SYN3: variants seen among roughly 807,000 people sequenced by gnomAD.
SYN3 encodes the protein synapsin-3.
Under a neutral mutation model 65.8 loss-of-function variants are expected in SYN3, and 35 were observed. The observed-to-expected ratio is 0.53, with a 90% CI of 0.41 to 0.70. The LOEUF (loss-of-function observed/expected upper bound fraction) is 0.70, where lower values mean the gene tolerates loss of function less well. SYN3 is among the 30% of genes least tolerant of loss of function. The probability of loss-of-function intolerance (pLI) is 0.00; values close to 1 mark genes in which losing one functional copy is unlikely to be tolerated. For missense variants in SYN3, 680 were observed against 749.0 expected, an observed-to-expected ratio of 0.91 and a Z score of 1.08; for synonymous variants, 270 against 292.9, an observed-to-expected ratio of 0.92 and a Z score of 0.80.
At chr22:32,778,607 T>A (rs1273148277) in intron 6 of SYN3, among the ~76,000 whole-genome samples, 3 of 152,188 alleles carry the variant, frequency 2.0e-5, no homozygotes, top group African/African-American at 4.8e-5. Flanking sequence ...TGCATTTTTT[T>A]AATCTCCTGT....
chr22:32,706,373 T>A (rs1455059543), intron 6 of SYN3, among the ~76,000 whole-genome samples: 1 of 152,154 alleles, frequency 6.6e-6, no homozygotes, highest in Non-Finnish European at 1.5e-5. Flanking sequence ...AGACTTCTCA[T>A]CAGAAACTAT....
chr22:33,035,899 C>T (rs1349238131), intron 1 of SYN3, among the ~76,000 whole-genome samples: 1 of 152,110 alleles, frequency 6.6e-6, no homozygotes, highest in Non-Finnish European at 1.5e-5. Flanking sequence ...AGCTCTGATT[C>T]TACATTATAA....
rs758850865 is a variant in SYN3 at position 32,605,334 on chromosome 22, G to C, written c.712-8598C>G. Among the ~76,000 whole-genome samples the C allele has an allele frequency of 1.1e-4, 17 of 152,158 alleles. 1 individual carries two copies. The highest frequency in any genetic ancestry group is 1.0e-4 in the Non-Finnish European group (7 of 68,032). ...AGCTTGGGAAGGGCCTGGCACCAGA[G>C]GTAGGAGTTTGAACTGTGTTTCATG... On this transcript the variant is annotated intron_variant, in intron 6 of 13. Coordinates refer to ENST00000358763, the MANE Select transcript of SYN3 (RefSeq NM_003490.4).
chr22:32,616,905 G>A (rs1400707012), intron 6 of SYN3, among the ~76,000 whole-genome samples: 1 of 152,140 alleles, frequency 6.6e-6, no homozygotes, highest in Non-Finnish European at 1.5e-5. Flanking sequence ...AGGAAAGGAC[G>A]TTCCAGGCAG....
intron 4 of SYN3, among the ~76,000 whole-genome samples, chr22:32,873,098 G>A (rs12169343): frequency 3.9e-5 from 6 of 152,006 alleles, no homozygotes; most frequent in African/African-American, 7.2e-5. Flanking sequence ...TTACAGGCAC[G>A]TGCCCCTGCA....
chr22:32,686,842 G>T (rs1014086773), intron 6 of SYN3, among the ~76,000 whole-genome samples: 5 of 151,876 alleles, frequency 3.3e-5, no homozygotes, highest in East Asian at 1.9e-4. Context: ...TGATCCGCCT[G>T]CCTCAGGATC....
intron 3 of SYN3, among the ~76,000 whole-genome samples, chr22:32,949,834 C>G (rs758643308): frequency 3.9e-5 from 6 of 152,092 alleles, no homozygotes; most frequent in Non-Finnish European, 7.3e-5. Flanking sequence ...AAGCAGAAAT[C>G]GAGACATGGA....
chr22:32,592,801 G>T (rs1409858389), intron 7 of SYN3, among the ~76,000 whole-genome samples: 14 of 152,172 alleles, frequency 9.2e-5, no homozygotes, highest in Non-Finnish European at 2.1e-4. Context: ...AACACATTAT[G>T]CATATTTACA....
chr22:32,874,204 G>T (rs16991439), intron 4 of SYN3, among the ~76,000 whole-genome samples: 1 of 152,258 alleles, frequency 6.6e-6, no homozygotes, highest in East Asian at 1.9e-4. Flanking sequence ...TCCTGCCGTA[G>T]AGCCCCACTG....
intron 4 of SYN3, among the ~76,000 whole-genome samples, chr22:32,903,580 C>T (rs1246613105): frequency 6.6e-6 from 1 of 152,202 alleles, no homozygotes; most frequent in Admixed American, 6.5e-5. Flanking sequence ...CTTCGCACAT[C>T]AGCAGCAGCC....
intron 6 of SYN3, among the ~76,000 whole-genome samples, chr22:32,622,044 T>C (rs1035913444): frequency 1.3e-5 from 2 of 151,940 alleles, no homozygotes; most frequent in Non-Finnish European, 2.9e-5. Context: ...GAGTGAGCTC[T>C]GTAAGTACAG....
At chr22:32,564,344 A>G (rs1339122905) in intron 7 of SYN3, among the ~76,000 whole-genome samples, 1 of 152,158 alleles carries the variant, frequency 6.6e-6, no homozygotes, top group Non-Finnish European at 1.5e-5. Context: ...TGAGCAAAGG[A>G]GAAGGATGCC....
intron 6 of SYN3, among the ~76,000 whole-genome samples, chr22:32,748,977 C>T (rs2045027181): frequency 6.6e-6 from 1 of 152,094 alleles, no homozygotes; most frequent in Non-Finnish European, 1.5e-5. Flanking sequence ...GACATTTTGC[C>T]CCCGCTCCCA....
chr22:32,863,673 A>G (rs1473101985), intron 6 of SYN3, among the ~76,000 whole-genome samples: 1 of 152,156 alleles, frequency 6.6e-6, no homozygotes, highest in African/African-American at 2.4e-5. Context: ...TACTCCTACT[A>G]TATGCCAGGT....
intron 12 of SYN3, among the ~76,000 whole-genome samples, chr22:32,526,436 G>T (rs1320656813): frequency 6.6e-6 from 1 of 152,036 alleles, no homozygotes; most frequent in Admixed American, 6.6e-5. Flanking sequence ...TAATGAATCT[G>T]TTGCTTTTAA....
At chr22:32,852,743 G>C (rs1342976755) in intron 6 of SYN3, among the ~76,000 whole-genome samples, 5 of 152,032 alleles carry the variant, frequency 3.3e-5, no homozygotes, top group Non-Finnish European at 7.4e-5. Context: ...CGATATGTGT[G>C]TGTGTGTGAG....
chr22:32,926,739 T>A (rs2050484407), intron 4 of SYN3, among the ~76,000 whole-genome samples: 2 of 152,360 alleles, frequency 1.3e-5, no homozygotes, highest in South Asian at 4.1e-4. Flanking sequence ...TTAGTCCATT[T>A]ACATTTAATG....
At chr22:32,906,309 TG>T in intron 4 of SYN3, among the ~76,000 whole-genome samples, 1 of 151,916 alleles carries the variant, frequency 6.6e-6, no homozygotes, top group Non-Finnish European at 1.5e-5. Context: ...TCCCCTGGAG[TG>T]GGGAACAGGA....
At chr22:33,045,757 T>G (rs927198712) in intron 1 of SYN3, among the ~76,000 whole-genome samples, 2 of 152,068 alleles carry the variant, frequency 1.3e-5, no homozygotes, top group African/African-American at 2.4e-5. Context: ...AGAAATTCTT[T>G]TTTAACCACT....
Sources: gnomAD v4.1 joint callset for allele counts (sites outside exome capture counted in the v4.1 genomes callset) on GRCh38, gnomAD v4.1.1 for gene constraint, MANE v1.5 for transcripts, NCBI Gene and HGNC (gene_info 2026-07-23, HGNC 2026-07-21) for gene names.